Variants in PAX1 observed in about 807,000 individuals in gnomAD.
PAX1 encodes the protein paired box 1.
In PAX1, 18 loss-of-function variants were observed where a neutral mutation model predicts 35.6. The observed-to-expected ratio is 0.50, with a 90% CI of 0.35 to 0.75. PAX1 has a LOEUF of 0.75. Among genes scored for constraint, PAX1 ranks in the 30% least tolerant of loss-of-function variants. The pLI is 0.01. For missense variants in PAX1, 760 were observed against 661.5 expected (o/e 1.15, Z -1.63); for synonymous variants, 397 against 305.2 (o/e 1.30, Z -3.14).
chr20:21,709,507 G>A (rs1003051306), intron 4 of PAX1, 63 bp downstream of exon 4: 6 of 1,285,120 alleles, frequency 4.7e-6, no homozygotes, highest in African/African-American at 3.0e-5. Context: ...ACTGGGGAGC[G>A]GGTGTGAGCC....
intron 4 of PAX1, among the ~76,000 whole-genome samples, chr20:21,711,892 T>G (rs1208669383): frequency 6.6e-6 from 1 of 152,330 alleles, no homozygotes; most frequent in Middle Eastern, 3.4e-3. Context: ...TATTTTCTGA[T>G]CAGTTCTTAA....
At chr20:21,707,729 G>A (rs576106313) in intron 2 of PAX1, among the ~76,000 whole-genome samples, 4 of 152,306 alleles carry the variant, frequency 2.6e-5, no homozygotes, top group African/African-American at 7.2e-5. Flanking sequence ...GCCAGAATCG[G>A]GTCTGGATTT....
chr20:21,714,879 C>A lies in PAX1; in HGVS notation c.*317C>A. The stretch of plus-strand genomic sequence containing the variant: ...TGCCAGCTTCAAATTTCTTTTTTGT[C>A]ACTCCCTTGTCCGTCTCCGTCTCGC... On this transcript the variant is annotated 3_prime_UTR_variant, in exon 5 of 5. Transcript: ENST00000613128. 8.3e-7 allele frequency: 1 copy of A among 1,204,422 alleles called. No homozygotes were observed. Among genetic ancestry groups the A allele is most frequent in the South Asian group, 1.2e-5 (1 of 80,378 alleles). The allele number at this position is 1,204,422 out of a possible 1,614,324, so 74.6% of individuals were successfully genotyped here.
rs376309924 is a variant in PAX1 at position 21,706,980 on chromosome 20, G to A, written c.829G>A (p.Ala277Thr). The A allele has an allele frequency of 3.7e-6, 6 of 1,612,684 alleles. No homozygotes were observed. In the African/African-American group the frequency reaches 5.3e-5, roughly 14 times the overall value. Residue 277 changes from alanine (A) to threonine (T), a missense_variant, in exon 2 of 5, where the codon GCG becomes ACG. Physicochemically the swap from Ala to Thr is moderately conservative, Grantham distance 58 (BLOSUM62 0). Transcript: ENST00000613128. The surrounding 1 kb of genome is among the most constrained non-coding windows in gnomAD (Gnocchi z 5.3). ...CAGCCACCCCGGGGTCCCGGGCACG[G>A]CGGGCCACGTCAGCATCCCGCGCTC... The part of the protein sequence containing the change: ...MGSHPGVPGT[A>T]GHVSIPRSWP...
Position 21,714,671 on chromosome 20 carries a change from G to T in PAX1, c.*109G>T, listed in dbSNP as rs1405260400. On this transcript the variant is annotated 3_prime_UTR_variant, in exon 5 of 5. Coordinates refer to ENST00000613128, the MANE Select transcript of PAX1 (RefSeq NM_001257096.2). ...GCACGGGCAGGATCGGAGGACTCGC[G>T]GAGGAGGAAGCCAGTGCCGGCCCGC... 1.2e-6 allele frequency: 2 copies of T among 1,604,258 alleles called. No individual in the cohort carries two copies. The highest frequency in any genetic ancestry group is 8.5e-7 in the Non-Finnish European group (1 of 1,178,272).
At chr20:21,712,735 T>C (rs1251203383) in intron 4 of PAX1, among the ~76,000 whole-genome samples, 1 of 152,174 alleles carries the variant, frequency 6.6e-6, no homozygotes, top group Non-Finnish European at 1.5e-5. Flanking sequence ...TCTTGGAAGA[T>C]CCTAAAAGTA....
chr20:21,709,485 G>T, intron 4 of PAX1, 41 bp downstream of exon 4: 1 of 1,421,930 alleles, frequency 7.0e-7, no homozygotes, highest in Non-Finnish European at 9.4e-7. Context: ...TGCTGGAAGG[G>T]TTAGGAAGGG....
rs769292391 is a variant in PAX1, at chr20:21,717,254, A to T, written c.*2692A>T. On this transcript the variant is annotated 3_prime_UTR_variant, in exon 5 of 5. Transcript: ENST00000613128. ...GACATTTCATGTGGGGTGTGGAGGG[A>T]CATACCCCCTCTCTCGCGGCTGGGG... 8 of 152,242 alleles carry T rather than the reference A, an allele frequency of 5.3e-5. No individual in the cohort carries two copies. Among genetic ancestry groups the T allele is most frequent in the Admixed American group, 1.3e-4 (2 of 15,268 alleles). The allele number at this position is 152,242 out of a possible 1,614,324, so 9.4% of individuals were successfully genotyped here. A position where few individuals can be genotyped will look rare whatever the true frequency, so the allele number is the denominator to read the frequency against.
rs199677616 is a variant in PAX1 at position 21,708,646 on chromosome 20, C to T, written c.1005C>T (p.Pro335=). 4.3e-6 allele frequency: 7 copies of T among 1,613,624 alleles called. No homozygotes were observed. The highest frequency in any genetic ancestry group is 2.2e-5 in the South Asian group (2 of 91,084). Residue 335 remains proline (P), a synonymous_variant, in exon 3 of 5, where the codon CCC becomes CCT. Transcript: ENST00000613128. The part of the protein sequence containing the change: ...GVNRTAFPAT[P]AVNGLEKPAL... The stretch of plus-strand genomic sequence containing the variant: ...ACCGCACGGCCTTCCCCGCCACCCC[C>T]GCAGTGAATGGGCTAGAGAAACCTG...
rs1478653708 is a variant in PAX1, at chr20:21,717,762, C to T, written c.*3200C>T. The T allele has an allele frequency of 6.6e-6, 1 of 151,980 alleles. No homozygotes were observed. Among genetic ancestry groups the T allele is most frequent in the Non-Finnish European group, 1.5e-5 (1 of 67,994 alleles). The allele number at this position is 151,980 out of a possible 1,614,324, so 9.4% of individuals were successfully genotyped here. A position where few individuals can be genotyped will look rare whatever the true frequency, so the allele number is the denominator to read the frequency against. On this transcript the variant is annotated 3_prime_UTR_variant, in exon 5 of 5. Coordinates refer to ENST00000613128, the MANE Select transcript of PAX1 (RefSeq NM_001257096.2). ...AAAATAAAGACATAATCAGATAGCC[C>T]TCTGATTTTTTGAAAGAATAGAAAT...
chr20:21,714,782 CT>C lies in PAX1; in HGVS notation c.*222del. 1 of 1,600,418 alleles carries C rather than the reference CT, an allele frequency of 6.2e-7. No homozygotes were observed. The highest frequency in any genetic ancestry group is 8.5e-7 in the Non-Finnish European group (1 of 1,179,854). ...TCCTTTATTGGTCTGGGTTTTTAGG[CT>C]TCTCTGAACTTGGGTTTTAGACTGC... On this transcript the variant is annotated 3_prime_UTR_variant, in exon 5 of 5. Coordinates refer to ENST00000613128, the MANE Select transcript of PAX1 (RefSeq NM_001257096.2).
At position 21,717,740 on chromosome 20, in the gene PAX1, A is replaced by G. The variant is rs1467555566; in HGVS notation, c.*3178A>G. On this transcript the variant is annotated 3_prime_UTR_variant, in exon 5 of 5. Transcript: ENST00000613128. ...AATATAGAGATGTAACCCAAAGAAA[A>G]TAAAGACATAATCAGATAGCCCTCT... 6.6e-6 allele frequency: 1 copy of G among 152,226 alleles called. No individual in the cohort carries two copies. The highest frequency in any genetic ancestry group is 2.4e-5 in the African/African-American group (1 of 41,464). The allele number at this position is 152,226 out of a possible 1,614,324, so 9.4% of individuals were successfully genotyped here.
rs1380236013 is a variant in PAX1 at position 21,708,652 on chromosome 20, G to A, written c.1011G>A (p.Val337=). 1.2e-5 allele frequency: 19 copies of A among 1,613,526 alleles called. No individual in the cohort carries two copies. Among genetic ancestry groups the A allele is most frequent in the Non-Finnish European group, 1.5e-5 (18 of 1,180,038 alleles). The part of the protein sequence containing the change: ...NRTAFPATPA[V]NGLEKPALEA... ...CGGCCTTCCCCGCCACCCCCGCAGT[G>A]AATGGGCTAGAGAAACCTGCCTTAG... The change falls in exon 3 of 5, where the codon GTG becomes GTA. Residue 337 remains valine (V), a synonymous_variant. Coordinates refer to ENST00000613128, the MANE Select transcript of PAX1 (RefSeq NM_001257096.2).
At chr20:21,707,634 A>G (rs970497618) in intron 2 of PAX1, among the ~76,000 whole-genome samples, 9 of 152,118 alleles carry the variant, frequency 5.9e-5, no homozygotes, top group Admixed American at 3.3e-4. Context: ...AAAGCTTAAC[A>G]CACTATAGGT....
intron 2 of PAX1, 105 bp downstream of exon 2, chr20:21,707,172 G>GA (rs1420389995): frequency 2.8e-6 from 4 of 1,435,972 alleles, no homozygotes; most frequent in African/African-American, 2.8e-5. Context: ...GACCGGTTCT[G>GA]GCTCAGGGGA....
Position 21,706,664 on chromosome 20 carries a change from C to G in PAX1, c.513C>G (p.Arg171=), listed in dbSNP as rs755246726. The change falls in exon 2 of 5, where the codon CGC becomes CGG. Residue 171 remains arginine, a synonymous_variant. Coordinates refer to ENST00000613128, the MANE Select transcript of PAX1 (RefSeq NM_001257096.2). This position sits in a 1 kb window ranked among gnomAD's most constrained non-coding sequence, Gnocchi z 5.3. ...LPGAIGGSKP[R]VTTPNVVKHI... ...GGGCCATCGGGGGGAGCAAGCCCCGCGTCACCACTCCCAACGTGGTCAAGC... is the reference window on the plus strand; with the variant it reads ...GGGCCATCGGGGGGAGCAAGCCCCGGGTCACCACTCCCAACGTGGTCAAGC... The G allele has an allele frequency of 6.2e-7, 1 of 1,612,574 alleles. No homozygotes were observed. The highest frequency in any genetic ancestry group is 1.1e-5 in the South Asian group (1 of 91,082).
Position 21,706,841 on chromosome 20 carries a change from G to A in PAX1, c.690G>A (p.Gln230=). 1 of 1,613,398 alleles carries A rather than the reference G, an allele frequency of 6.2e-7. No individual in the cohort carries two copies. Among genetic ancestry groups the A allele is most frequent in the Non-Finnish European group, 8.5e-7 (1 of 1,180,028 alleles). Reference sequence around the variant, plus strand: ...GCAACAAGATCGGCAGCCTGGCGCAGCCCGGACCGTACGAGGCAAGTAAGC... The same window carrying A: ...GCAACAAGATCGGCAGCCTGGCGCAACCCGGACCGTACGAGGCAAGTAAGC... The part of the protein sequence containing the change: ...ILRNKIGSLA[Q]PGPYEASKQP... The change falls in exon 2 of 5, where the codon CAG becomes CAA. Residue 230 remains glutamine (Q), a synonymous_variant. Transcript: ENST00000613128. This position sits in a 1 kb window ranked among gnomAD's most constrained non-coding sequence, Gnocchi z 5.3.
chr20:21,711,731 T>G (rs1309521308), intron 4 of PAX1, among the ~76,000 whole-genome samples: 1 of 152,222 alleles, frequency 6.6e-6, no homozygotes, highest in Non-Finnish European at 1.5e-5. Context: ...AATCATTCAT[T>G]ATCTATCTAT....
rs572634269 is a variant in PAX1, at chr20:21,714,912, C to T, written c.*350C>T. 8.7e-5 allele frequency: 75 copies of T among 864,436 alleles called. No homozygotes were observed. The South Asian group carries it at 1.0e-3, about 12-fold the overall frequency. The allele number at this position is 864,436 out of a possible 1,614,324, so 53.5% of individuals were successfully genotyped here. Reference sequence around the variant, plus strand: ...TGTCCGTCTCCGTCTCGCCTCTCTCCCTGTTTCCTTCCCCCCTCTTTCTTT... The same window carrying T: ...TGTCCGTCTCCGTCTCGCCTCTCTCTCTGTTTCCTTCCCCCCTCTTTCTTT... On this transcript the variant is annotated 3_prime_UTR_variant, in exon 5 of 5. Transcript: ENST00000613128.
Sources: gnomAD v4.1 joint callset for allele counts (sites outside exome capture counted in the v4.1 genomes callset) on GRCh38, gnomAD v4.1.1 for gene constraint, Gnocchi (gnomAD v3.1) non-coding constraint, MANE v1.5 for transcripts, NCBI Gene and HGNC (gene_info 2026-07-23, HGNC 2026-07-21) for gene names.